CAPN11: variants seen among roughly 807,000 people sequenced by gnomAD.
CAPN11 encodes the protein calpain-11.
CAPN11 carries 108 observed loss-of-function variants against 105.3 expected under a neutral mutation model. The ratio of observed to expected loss-of-function variants is 1.03; its 90% confidence interval spans 0.88 to 1.20. The LOEUF is 1.20. Among genes scored for constraint, CAPN11 ranks in the 50% most tolerant of loss-of-function variants. The pLI is 0.00. For missense variants in CAPN11, 883 were observed against 924.8 expected (o/e 0.95, Z 0.59); for synonymous variants, 329 against 344.5 (o/e 0.96, Z 0.50).
Position 44,166,763 on chromosome 6 carries a change from A to T in CAPN11, c.22A>T (p.Ser8Cys). The T allele has an allele frequency of 6.4e-7, 1 of 1,551,760 alleles. No individual in the cohort carries two copies. Among genetic ancestry groups the T allele is most frequent in the Non-Finnish European group, 8.7e-7 (1 of 1,146,740 alleles). The change falls in exon 2 of 23, where the codon AGT becomes TGT. Residue 8 changes from serine (S) to cysteine (C), a missense_variant. Ser to Cys is a moderately radical substitution (Grantham distance 112). Coordinates refer to ENST00000398776, the MANE Select transcript of CAPN11 (RefSeq NM_007058.4). Reference protein sequence around the residue: MLYSPGPSLPESAESLDG... With the variant: MLYSPGPCLPESAESLDG... Reference sequence around the variant, plus strand: ...CCCACTCTTTCTTATTCTAGGGCCGAGTCTTCCGGAGTCAGCAGAGAGCCT... The same window carrying T: ...CCCACTCTTTCTTATTCTAGGGCCGTGTCTTCCGGAGTCAGCAGAGAGCCT...
In CAPN11 at chr6:44,179,635, A is replaced by G; in HGVS notation, c.1428+5A>G. ...CCTTCCCAGGTCCCAAAAGAGGTAC[A>G]GAAGATAAAGATGTGGGGCTTGTTC... On this transcript the variant is annotated splice_donor_5th_base_variant and intron_variant, in intron 13 of 22. Transcript: ENST00000398776. 1 of 1,612,976 alleles carries G rather than the reference A, an allele frequency of 6.2e-7. No homozygotes were observed. The highest frequency in any genetic ancestry group is 2.2e-5 in the East Asian group (1 of 44,892).
chr6:44,171,803 C>T (rs1197934368), intron 4 of CAPN11, among the ~76,000 whole-genome samples: 2 of 152,156 alleles, frequency 1.3e-5, no homozygotes, highest in Admixed American at 6.5e-5. Context: ...CTGTGGCTCA[C>T]ACCTGTAATC....
At chr6:44,161,838 A>G (rs755426183) in intron 1 of CAPN11, 12 of 456,248 alleles carry the variant, frequency 2.6e-5, no homozygotes, top group Non-Finnish European at 4.8e-5. Flanking sequence ...GCCAGGGTAG[A>G]GGCTGCCTGG....
intron 1 of CAPN11, chr6:44,161,813 T>C (rs759635913): frequency 6.6e-5 from 30 of 456,200 alleles, no homozygotes; most frequent in Non-Finnish European, 1.2e-4. Context: ...CTCAACACCC[T>C]CAGTCCTCGG....
rs1237474103 is a variant in CAPN11, at chr6:44,183,709, C to A, written c.2139C>A (p.Phe713Leu). The A allele has an allele frequency of 6.2e-7, 1 of 1,613,756 alleles. No individual in the cohort carries two copies. The highest frequency in any genetic ancestry group is 8.5e-7 in the Non-Finnish European group (1 of 1,179,842). ...CCCGCTTCCTCTGTAACGCAGCATT[C>A]TTTCTAACCATGGACCCCAAGAATA... Reference protein sequence around the residue: ...CFLRLKTMFTFFLTMDPKNTG... With the variant: ...CFLRLKTMFTLFLTMDPKNTG... Residue 713 changes from phenylalanine (F) to leucine (L), a missense_variant, in exon 22 of 23, where the codon TTC (phenylalanine) becomes TTA (leucine). By Grantham distance (22) the Phe-to-Leu change is conservative (BLOSUM62 0). Coordinates refer to ENST00000398776, the MANE Select transcript of CAPN11 (RefSeq NM_007058.4).
chr6:44,183,595 G>A, intron 21 of CAPN11, 110 bp from the exon 22 acceptor site: 1 of 988,132 alleles, frequency 1.0e-6, no homozygotes, highest in Non-Finnish European at 1.6e-6. Flanking sequence ...ATTTATGTGG[G>A]GAACAGCCAG....
chr6:44,179,956 A>T lies in CAPN11; in HGVS notation c.1433A>T (p.Gln478Leu), dbSNP rs750883013. 4.3e-6 allele frequency: 7 copies of T among 1,611,962 alleles called. No homozygotes were observed. In the South Asian group the frequency reaches 7.7e-5, roughly 18 times the overall value. The part of the protein sequence containing the change: ...FVLYAVPKEF[Q>L]NIQDVHLKKE... ...CCACTTCCAGGATGCATATAGTTTC[A>T]GAACATTCAGGATGTCCACTTGAAG... Residue 478 changes from glutamine (Q) to leucine (L), a missense_variant, in exon 14 of 23, where the codon CAG (glutamine) becomes CTG (leucine). By Grantham distance (113) the Gln-to-Leu change is moderately radical. Coordinates refer to ENST00000398776, the MANE Select transcript of CAPN11 (RefSeq NM_007058.4).
Position 44,166,843 on chromosome 6 carries a change from CCCG to C in CAPN11, c.88+15_88+17del. On this transcript the variant is annotated intron_variant, in intron 2 of 22. Coordinates refer to ENST00000398776, the MANE Select transcript of CAPN11 (RefSeq NM_007058.4). ...GCTCATGTGCGGGTAGGACTGCAGA[CCCG>C]TCGTGGCTCTGTGGCCTCCCTTTTT... 5 of 1,533,076 alleles carry C rather than the reference CCCG, an allele frequency of 3.3e-6. No individual in the cohort carries two copies. Among genetic ancestry groups the C allele is most frequent in the Non-Finnish European group, 4.4e-6 (5 of 1,130,954 alleles). 95.0% of individuals were successfully genotyped at this position (1,533,076 alleles called of 1,614,324 possible).
At chr6:44,182,265 C>A (rs1163125614) in intron 19 of CAPN11, among the ~76,000 whole-genome samples, 1 of 110,704 alleles carries the variant, frequency 9.0e-6, no homozygotes, top group African/African-American at 3.5e-5. Context: ...CACACACACA[C>A]ACATACAGAC....
At chr6:44,179,525 C>A in intron 12 of CAPN11, 94 bp from the exon 13 acceptor site, 1 of 1,124,890 alleles carries the variant, frequency 8.9e-7, no homozygotes, top group Non-Finnish European at 1.4e-6. Flanking sequence ...CACACACACA[C>A]AGACACACAC....
chr6:44,183,355 G>T (rs1036629029), intron 21 of CAPN11, 120 bp downstream of exon 21: 2 of 696,062 alleles, frequency 2.9e-6, no homozygotes, highest in Non-Finnish European at 5.1e-6. Flanking sequence ...CACATGAAAT[G>T]GATTCAAAGC....
intron 1 of CAPN11, among the ~76,000 whole-genome samples, chr6:44,161,508 T>C (rs1768800827): frequency 6.6e-6 from 1 of 152,168 alleles, no homozygotes; most frequent in Non-Finnish European, 1.5e-5. Context: ...CTTAAAGACA[T>C]TTTCCATGAC....
chr6:44,173,113 C>G, intron 6 of CAPN11, 40 bp downstream of exon 6: 1 of 1,607,736 alleles, frequency 6.2e-7, no homozygotes, highest in Non-Finnish European at 8.5e-7. Context: ...TGCCTTGCCT[C>G]TGTCTGGACA....
At chr6:44,179,900 C>A in intron 13 of CAPN11, 52 bp from the exon 14 acceptor site, 1 of 1,429,950 alleles carries the variant, frequency 7.0e-7, no homozygotes, top group Non-Finnish European at 9.9e-7. Flanking sequence ...GGGGGACCCT[C>A]CCTCCCTAAC....
Position 44,183,975 on chromosome 6 carries a change from A to G in CAPN11, c.*43A>G, listed in dbSNP as rs1189489066. 6.5e-7 allele frequency: 1 copy of G among 1,549,898 alleles called. No homozygotes were observed. Among genetic ancestry groups the G allele is most frequent in the South Asian group, 1.2e-5 (1 of 84,014 alleles). ...GGTCATCTCTACCAGCAGCAGCAGC[A>G]GCGAGGTTCTAGCCCAGGAGGGTGG... On this transcript the variant is annotated 3_prime_UTR_variant, in exon 23 of 23. Coordinates refer to ENST00000398776, the MANE Select transcript of CAPN11 (RefSeq NM_007058.4).
Position 44,180,767 on chromosome 6 carries a change from A to G in CAPN11, c.1766A>G (p.Tyr589Cys). 1 of 1,613,632 alleles carries G rather than the reference A, an allele frequency of 6.2e-7. No individual in the cohort carries two copies. The highest frequency in any genetic ancestry group is 2.2e-5 in the East Asian group (1 of 44,860). The part of the protein sequence containing the change: ...VAGEGKEIGV[Y>C]ELQRLLNRMA... ...TCCTAGGGCAAGGAGATAGGGGTGT[A>G]TGAGCTCCAGAGGCTGCTCAACAGG... The change falls in exon 17 of 23, where the codon TAT (tyrosine) becomes TGT (cysteine). Residue 589 changes from tyrosine to cysteine, a missense_variant. By Grantham distance (194) the Tyr-to-Cys change is radical. Coordinates refer to ENST00000398776, the MANE Select transcript of CAPN11 (RefSeq NM_007058.4).
chr6:44,180,966 A>G lies in CAPN11; in HGVS notation c.1838A>G (p.Asp613Gly). The change falls in exon 18 of 23, where the codon GAT becomes GGT. Residue 613 changes from aspartate (D) to glycine (G), a missense_variant. Physicochemically the swap from Asp to Gly is moderately conservative, Grantham distance 94. Transcript: ENST00000398776. ...KSFKTKGFGL[D>G]ACRCMINLMD... is the part of the protein sequence containing the mutation. Reference sequence around the variant, plus strand: ...TTCAAGACCAAGGGCTTTGGCCTGGATGCTTGCCGCTGCATGATCAACCTC... The same window carrying G: ...TTCAAGACCAAGGGCTTTGGCCTGGGTGCTTGCCGCTGCATGATCAACCTC... 1 of 1,613,630 alleles carries G rather than the reference A, an allele frequency of 6.2e-7. No homozygotes were observed. The highest frequency in any genetic ancestry group is 1.1e-5 in the South Asian group (1 of 91,072).
chr6:44,165,498 T>C (rs1769651097), intron 1 of CAPN11, among the ~76,000 whole-genome samples: 1 of 152,196 alleles, frequency 6.6e-6, no homozygotes, highest in South Asian at 2.1e-4. Flanking sequence ...GCAGCCCCTA[T>C]CGCGGGCTGT....
chr6:44,176,960 G>A lies in CAPN11; in HGVS notation c.1199G>A (p.Arg400His), dbSNP rs771549645. 24 of 1,613,812 alleles carry A rather than the reference G, an allele frequency of 1.5e-5. No individual in the cohort carries two copies. The Admixed American group carries it at 1.8e-4, about 12-fold the overall frequency. ...WHTTFYEGSW[R>H]RGSSAGGCRN... Reference sequence around the variant, plus strand: ...ACCACCTTCTACGAGGGCAGCTGGCGCAGAGGCAGCTCCGCAGGGGGCTGC... The same window carrying A: ...ACCACCTTCTACGAGGGCAGCTGGCACAGAGGCAGCTCCGCAGGGGGCTGC... Residue 400 changes from arginine (R) to histidine (H), a missense_variant, in exon 11 of 23, where the codon CGC becomes CAC. Coordinates refer to ENST00000398776, the MANE Select transcript of CAPN11 (RefSeq NM_007058.4).
Sources: allele counts gnomAD v4.1 joint callset (sites outside exome capture counted in the v4.1 genomes callset), GRCh38; gene constraint gnomAD v4.1.1; transcripts MANE v1.5; gene names NCBI Gene and HGNC (gene_info 2026-07-23, HGNC 2026-07-21).